The following ZNF385B variants were observed in gnomAD, a reference collection of about 807,000 sequenced individuals.
The protein encoded by ZNF385B is zinc finger protein 533.
Under a neutral mutation model 39.2 loss-of-function variants are expected in ZNF385B, and 23 were observed. The observed-to-expected ratio is 0.59, with a 90% CI of 0.42 to 0.83. The LOEUF (loss-of-function observed/expected upper bound fraction) is 0.83. Among genes scored for constraint, ZNF385B ranks in the 40% least tolerant of loss-of-function variants. ZNF385B has a pLI of 0.00. For missense variants in ZNF385B, 552 were observed against 598.9 expected (o/e 0.92, Z 0.82); for synonymous variants, 205 against 222.6 (o/e 0.92, Z 0.70).
chr2:179,647,427 C>T (rs1692815827), intron 3 of ZNF385B, among the ~76,000 whole-genome samples: 1 of 152,140 alleles, frequency 6.6e-6, no homozygotes, highest in African/African-American at 2.4e-5. Context: ...CCAACCCCGG[C>T]CATATGCCTC....
chr2:179,591,021 A>G (rs569424346), intron 3 of ZNF385B, among the ~76,000 whole-genome samples: 1 of 151,968 alleles, frequency 6.6e-6, no homozygotes, highest in African/African-American at 2.4e-5. Context: ...TTAAGGTTTA[A>G]TGGGATGTTT....
intron 4 of ZNF385B, among the ~76,000 whole-genome samples, chr2:179,542,148 A>G (rs1001848635): frequency 6.6e-6 from 1 of 152,204 alleles, no homozygotes; most frequent in African/African-American, 2.4e-5. Context: ...TAGGTATTCT[A>G]TTGGGTGAGT....
chr2:179,622,772 G>A (rs921292403), intron 3 of ZNF385B, among the ~76,000 whole-genome samples: 3 of 152,174 alleles, frequency 2.0e-5, no homozygotes, highest in African/African-American at 7.2e-5. Context: ...TGTCAACTAA[G>A]AGGAGACAGA....
At chr2:179,456,378 A>G (rs1336458512) in intron 6 of ZNF385B, among the ~76,000 whole-genome samples, 2 of 152,154 alleles carry the variant, frequency 1.3e-5, no homozygotes, top group Non-Finnish European at 2.9e-5. Context: ...GCCTTTACCT[A>G]TCCAACAGAC....
At chr2:179,569,455 T>G (rs1391732893) in intron 3 of ZNF385B, among the ~76,000 whole-genome samples, 2 of 152,188 alleles carry the variant, frequency 1.3e-5, no homozygotes, top group East Asian at 3.8e-4. Flanking sequence ...TGGGAAATCA[T>G]GAGGAAAATC....
In ZNF385B at chr2:179,851,288, A is replaced by ATTATT. The variant is rs797008582; in HGVS notation, c.-155+9808_-155+9812dup. On this transcript the variant is annotated intron_variant, in intron 1 of 9. Coordinates refer to ENST00000410066, the MANE Select transcript of ZNF385B (RefSeq NM_152520.6). ...CAACGCGGCAAGACATCACCAGTACATTATTTTCTAAATTAGCTGGCCATA... is the reference window on the plus strand; with the variant it reads ...CAACGCGGCAAGACATCACCAGTACATTATTTTATTTTCTAAATTAGCTGGCCATA... Among the ~76,000 whole-genome samples, 48 of 152,266 alleles carry ATTATT rather than the reference A, an allele frequency of 3.2e-4. 1 individual carries two copies. The highest frequency in any genetic ancestry group is 1.1e-3 in the African/African-American group (45 of 41,546).
In ZNF385B at chr2:179,780,277, C is replaced by A. The variant is rs1704588141; in HGVS notation, c.-154-9605G>T. Among the ~76,000 whole-genome samples the A allele has an allele frequency of 2.6e-5, 4 of 152,264 alleles. No homozygotes were observed. In the South Asian group the frequency reaches 6.2e-4, roughly 24 times the overall value. ...GTCTCCTTAGCCCCTAGAAAAGACA[C>A]AAAAGTCCAGGCTGTTTGTCCCAGA... On this transcript the variant is annotated intron_variant, in intron 1 of 9. Coordinates refer to ENST00000410066, the MANE Select transcript of ZNF385B (RefSeq NM_152520.6).
At chr2:179,463,106 T>G (rs1023138058) in intron 6 of ZNF385B, among the ~76,000 whole-genome samples, 4 of 152,076 alleles carry the variant, frequency 2.6e-5, no homozygotes, top group African/African-American at 9.7e-5. Context: ...ATAAAATGAT[T>G]ATATATACAC....
chr2:179,517,934 T>C (rs971080033), intron 5 of ZNF385B, among the ~76,000 whole-genome samples: 2 of 152,172 alleles, frequency 1.3e-5, no homozygotes, highest in African/African-American at 4.8e-5. Flanking sequence ...GGGAAAAATA[T>C]AGGAAATTAG....
intron 3 of ZNF385B, among the ~76,000 whole-genome samples, chr2:179,743,442 C>G (rs933510082): frequency 6.6e-6 from 1 of 151,852 alleles, no homozygotes; most frequent in Non-Finnish European, 1.5e-5. Flanking sequence ...ATCACTTAAC[C>G]CAGGCAAAGA....
chr2:179,501,847 C>T (rs1458810672), intron 5 of ZNF385B, among the ~76,000 whole-genome samples: 1 of 152,150 alleles, frequency 6.6e-6, no homozygotes, highest in Non-Finnish European at 1.5e-5. Context: ...TCATGTACCT[C>T]ATAAACTTAT....
rs185415704 is a variant in ZNF385B, at chr2:179,560,426, T to C, written c.299-15457A>G. On this transcript the variant is annotated intron_variant, in intron 3 of 9. Transcript: ENST00000410066. ...AAACAATTCACAAAAATGGACCTAG[T>C]GCTCAATGTATTTAACTTGAGAAAG... is the stretch of plus-strand genomic sequence containing the variant. Among the ~76,000 whole-genome samples the C allele has an allele frequency of 5.2e-3, 797 of 152,322 alleles. 2 individuals are homozygous for C. Among genetic ancestry groups the C allele is most frequent in the Non-Finnish European group, 7.7e-3 (522 of 68,026 alleles).
chr2:179,465,221 T>G (rs1001123819), intron 6 of ZNF385B, among the ~76,000 whole-genome samples: 1 of 152,158 alleles, frequency 6.6e-6, no homozygotes, highest in African/African-American at 2.4e-5. Context: ...CTAGACCCCT[T>G]CACCATCTCC....
intron 1 of ZNF385B, among the ~76,000 whole-genome samples, chr2:179,799,849 C>T (rs1039128067): frequency 3.3e-5 from 5 of 152,066 alleles, no homozygotes; most frequent in Admixed American, 1.3e-4. Flanking sequence ...ATGATGGTAA[C>T]GTCAACTGTG....
intron 4 of ZNF385B, among the ~76,000 whole-genome samples, chr2:179,521,477 G>A (rs528405438): frequency 1.3e-5 from 2 of 150,680 alleles, no homozygotes; most frequent in South Asian, 2.1e-4. Flanking sequence ...TGGGATTACC[G>A]GTGTGAGCCA....
chr2:179,450,576 C>T (rs1362761819), intron 6 of ZNF385B, among the ~76,000 whole-genome samples: 9 of 151,908 alleles, frequency 5.9e-5, no homozygotes, highest in East Asian at 1.9e-4. Flanking sequence ...GTTAGAATGG[C>T]GATCATTAAA....
chr2:179,656,774 G>A (rs1055157869), intron 3 of ZNF385B, among the ~76,000 whole-genome samples: 3 of 151,904 alleles, frequency 2.0e-5, no homozygotes, highest in Non-Finnish European at 4.4e-5. Context: ...TGTACCATAT[G>A]TATATCTGTG....
chr2:179,559,051 G>T (rs917388132), intron 3 of ZNF385B, among the ~76,000 whole-genome samples: 1 of 152,100 alleles, frequency 6.6e-6, no homozygotes, highest in Non-Finnish European at 1.5e-5. Context: ...TTTGCAAAGT[G>T]GATTAGAATT....
intron 1 of ZNF385B, among the ~76,000 whole-genome samples, chr2:179,821,675 G>C (rs561923627): frequency 1.3e-4 from 20 of 152,140 alleles, no homozygotes; most frequent in African/African-American, 4.8e-4. Context: ...ACCCAAGATA[G>C]ACTAAATGAC....
Sources: gnomAD v4.1 joint callset for allele counts (sites outside exome capture counted in the v4.1 genomes callset) on GRCh38, gnomAD v4.1.1 for gene constraint, MANE v1.5 for transcripts, NCBI Gene and HGNC (gene_info 2026-07-23, HGNC 2026-07-21) for gene names.